PPP4R2: variants seen among roughly 807,000 people sequenced by gnomAD.
PPP4R2 encodes serine/threonine-protein phosphatase 4 regulatory subunit 2.
PPP4R2 carries 13 observed loss-of-function variants against 47.2 expected under a neutral mutation model. The ratio of observed to expected loss-of-function variants is 0.28; its 90% confidence interval spans 0.18 to 0.44. The LOEUF (loss-of-function observed/expected upper bound fraction) is 0.44. PPP4R2 is among the 20% of genes least tolerant of loss of function. The pLI, the probability that PPP4R2 is intolerant of heterozygous loss-of-function variation, is 1.00. For synonymous variants in PPP4R2, 151 were observed against 163.3 expected (o/e 0.92, Z 0.57); for missense variants, 421 against 491.2 (o/e 0.86, Z 1.35).
intron 2 of PPP4R2, among the ~76,000 whole-genome samples, chr3:73,045,304 C>T (rs928280508): frequency 4.6e-5 from 7 of 151,970 alleles, no homozygotes; most frequent in African/African-American, 1.7e-4. Context: ...CACCTGGCCT[C>T]GTATAATATT....
rs140023856 is a variant in PPP4R2 at position 73,019,669 on chromosome 3, C to T, written c.116+21511C>T. Among the ~76,000 whole-genome samples, 1,027 of 152,250 alleles carry T rather than the reference C, an allele frequency of 6.7e-3. 10 individuals are homozygous for T. Among genetic ancestry groups the T allele is most frequent in the African/African-American group, 0.023 (960 of 41,542 alleles). ...GATTACAGGTGTGAGCAACCATGCC[C>T]GGCCCCTAGAAGCTATTATTTGTAA... On this transcript the variant is annotated intron_variant, in intron 2 of 8. Transcript: ENST00000356692.
intron 3 of PPP4R2, among the ~76,000 whole-genome samples, chr3:73,053,451 C>G (rs1320151676): frequency 2.0e-5 from 3 of 152,056 alleles, no homozygotes; most frequent in African/African-American, 7.2e-5. Flanking sequence ...CTTTTTCTTG[C>G]TAGTTATATT....
intron 2 of PPP4R2, among the ~76,000 whole-genome samples, chr3:73,044,511 A>T (rs1575873298): frequency 6.6e-6 from 1 of 152,138 alleles, no homozygotes; most frequent in Non-Finnish European, 1.5e-5. Context: ...GCTTGAACCC[A>T]GGAGGCAGAG....
In PPP4R2 at chr3:73,067,056, A is replaced by G. The variant is rs1371846533; in HGVS notation, c.*1334A>G. 1 of 152,096 alleles carries G rather than the reference A, an allele frequency of 6.6e-6. No homozygotes were observed. The highest frequency in any genetic ancestry group is 1.5e-5 in the Non-Finnish European group (1 of 67,968). The allele number at this position is 152,096 out of a possible 1,614,324, so 9.4% of individuals were successfully genotyped here. On this transcript the variant is annotated 3_prime_UTR_variant, in exon 9 of 9. Coordinates refer to ENST00000356692, the MANE Select transcript of PPP4R2 (RefSeq NM_174907.4). Reference sequence around the variant, plus strand: ...ATATTTAAAGTTTTTAAATTTCTGTAAAGTAGATTTTGTAGAATGTAATGT... The same window carrying G: ...ATATTTAAAGTTTTTAAATTTCTGTGAAGTAGATTTTGTAGAATGTAATGT...
At chr3:73,033,972 G>A (rs1187735878) in intron 2 of PPP4R2, among the ~76,000 whole-genome samples, 1 of 152,146 alleles carries the variant, frequency 6.6e-6, no homozygotes, top group Non-Finnish European at 1.5e-5. Flanking sequence ...TTAACTTTTC[G>A]AGGAACTGTA....
At chr3:72,996,762 G>A, upstream of PPP4R2, 1 of 326,460 alleles carries the variant, frequency 3.1e-6, no homozygotes, top group Non-Finnish European at 5.5e-6. Context: ...GCCGGAGCGC[G>A]CGGCGGGAGC....
chr3:73,060,503 A>G (rs1438883526), intron 4 of PPP4R2, among the ~76,000 whole-genome samples: 1 of 152,182 alleles, frequency 6.6e-6, no homozygotes, highest in Non-Finnish European at 1.5e-5. Context: ...CAAAACACTT[A>G]CTGTGACTCA....
intron 2 of PPP4R2, among the ~76,000 whole-genome samples, chr3:73,027,361 CATG>C (rs1446672748): frequency 2.0e-5 from 3 of 152,342 alleles, no homozygotes; most frequent in South Asian, 4.1e-4. Flanking sequence ...CTCCTGACCT[CATG>C]ATCCGCCAGC....
In PPP4R2 at chr3:73,069,037, G is replaced by A. The variant is rs1200057697; in HGVS notation, c.*3315G>A. The A allele has an allele frequency of 2.0e-5, 3 of 152,102 alleles. No homozygotes were observed. The highest frequency in any genetic ancestry group is 7.2e-5 in the African/African-American group (3 of 41,418). 9.4% of individuals were successfully genotyped at this position (152,102 alleles called of 1,614,324 possible). ...TAAAAATTAGGTTTGCTGGGTTTTGGCCTAATAAGAGTGCTAGTATGTATT... is the reference window on the plus strand; with the variant it reads ...TAAAAATTAGGTTTGCTGGGTTTTGACCTAATAAGAGTGCTAGTATGTATT... On this transcript the variant is annotated 3_prime_UTR_variant, in exon 9 of 9. Coordinates refer to ENST00000356692, the MANE Select transcript of PPP4R2 (RefSeq NM_174907.4).
intron 7 of PPP4R2, 114 bp from the exon 8 acceptor site, chr3:73,064,738 T>C: frequency 3.3e-6 from 3 of 910,526 alleles, no homozygotes; most frequent in Non-Finnish European, 5.1e-6. Context: ...TCAGGTGTTA[T>C]AATTTAACTT....
intron 6 of PPP4R2, 87 bp from the exon 7 acceptor site, chr3:73,063,916 A>G (rs188620994): frequency 7.8e-7 from 1 of 1,289,930 alleles, no homozygotes. Flanking sequence ...TGCAGCAAAT[A>G]CTTCTGTGAT....
At chr3:73,052,641 T>G (rs921485985) in intron 3 of PPP4R2, among the ~76,000 whole-genome samples, 2 of 152,166 alleles carry the variant, frequency 1.3e-5, no homozygotes, top group Non-Finnish European at 2.9e-5. Context: ...AAGATACCAT[T>G]TTATGTTCTC....
intron 2 of PPP4R2, among the ~76,000 whole-genome samples, chr3:73,025,348 G>A (rs761723568): frequency 1.3e-5 from 2 of 152,142 alleles, no homozygotes; most frequent in Non-Finnish European, 2.9e-5. Flanking sequence ...GATAAATTTA[G>A]CACTGACCCT....
intron 2 of PPP4R2, among the ~76,000 whole-genome samples, chr3:73,018,641 C>G (rs1701899757): frequency 6.6e-6 from 1 of 151,998 alleles, no homozygotes; most frequent in African/African-American, 2.4e-5. Flanking sequence ...TTCCAGTCTT[C>G]TCTTTCCACC....
intron 2 of PPP4R2, among the ~76,000 whole-genome samples, chr3:73,034,825 G>T (rs1702233528): frequency 6.7e-6 from 1 of 149,414 alleles, no homozygotes; most frequent in Non-Finnish European, 1.5e-5. Flanking sequence ...TGGCTACTCT[G>T]CCTGGCCCTA....
At chr3:73,053,773 G>T (rs1575882012) in intron 3 of PPP4R2, among the ~76,000 whole-genome samples, 1 of 151,902 alleles carries the variant, frequency 6.6e-6, no homozygotes, top group Non-Finnish European at 1.5e-5. Flanking sequence ...GCTGGGCGTG[G>T]TGGCAGGCGC....
rs1462711104 is a variant in PPP4R2 at position 73,066,261 on chromosome 3, T to TATATATATATATAA, written c.*540_*541insTATATATATATAAA. 5.4e-5 allele frequency: 8 copies of TATATATATATATAA among 146,936 alleles called. No homozygotes were observed. The highest frequency in any genetic ancestry group is 9.0e-5 in the Non-Finnish European group (6 of 66,694). 9.1% of individuals were successfully genotyped at this position (146,936 alleles called of 1,614,324 possible). On this transcript the variant is annotated 3_prime_UTR_variant, in exon 9 of 9. Coordinates refer to ENST00000356692, the MANE Select transcript of PPP4R2 (RefSeq NM_174907.4). ...ATACATATATATATATATATATATA[T>TATATATATATATAA]AATTCTAAGGGGGGAAATGTTATAT...
At chr3:73,062,951 A>G (rs1702901275) in intron 5 of PPP4R2, 1 of 1,505,218 alleles carries the variant, frequency 6.6e-7, no homozygotes, top group African/African-American at 1.4e-5. Flanking sequence ...GAATGTTTCT[A>G]GATCAGTGCA....
At chr3:73,019,874 A>G (rs1701924116) in intron 2 of PPP4R2, among the ~76,000 whole-genome samples, 1 of 152,146 alleles carries the variant, frequency 6.6e-6, no homozygotes, top group Non-Finnish European at 1.5e-5. Flanking sequence ...CCTAGAATAT[A>G]ATAGCCTTGC....
Sources: gnomAD v4.1 joint callset for allele counts (sites outside exome capture counted in the v4.1 genomes callset) on GRCh38, gnomAD v4.1.1 for gene constraint, MANE v1.5 for transcripts, NCBI Gene and HGNC (gene_info 2026-07-23, HGNC 2026-07-21) for gene names.